CLCN3: variants seen among roughly 807,000 people sequenced by gnomAD.
The protein encoded by CLCN3 is Cl-/H+ antiporter 3, also known as H(+)/Cl(-) exchange transporter 3.
A neutral mutation model predicts 83.4 loss-of-function variants in CLCN3; 16 were observed. The observed-to-expected ratio is 0.19, with a 90% CI of 0.13 to 0.29. CLCN3 has a LOEUF of 0.29. CLCN3 is among the 10% of genes least tolerant of loss of function. The pLI is 1.00. For missense variants in CLCN3, 544 were observed against 1,006.0 expected (o/e 0.54, Z 6.21); for synonymous variants, 322 against 346.2 (o/e 0.93, Z 0.78).
chr4:169,702,434 T>A (rs1231682767), intron 9 of CLCN3, among the ~76,000 whole-genome samples: 1 of 152,188 alleles, frequency 6.6e-6, no homozygotes, highest in Non-Finnish European at 1.5e-5. Context: ...TGATGAGTAA[T>A]GTTTTAAAAG....
intron 2 of CLCN3, among the ~76,000 whole-genome samples, chr4:169,644,527 C>T (rs1319458555): frequency 2.0e-5 from 3 of 152,200 alleles, no homozygotes; most frequent in African/African-American, 7.2e-5. Context: ...CAGGCGTGAG[C>T]CACCGTGCCT....
At chr4:169,657,047 TTTAA>T (rs770971065) in intron 2 of CLCN3, among the ~76,000 whole-genome samples, 6 of 152,216 alleles carry the variant, frequency 3.9e-5, no homozygotes, top group Admixed American at 6.5e-5. Flanking sequence ...GGTCACTTAC[TTTAA>T]TTAATTATCA....
At chr4:169,668,836 C>T (rs1731352432) in intron 2 of CLCN3, among the ~76,000 whole-genome samples, 1 of 151,856 alleles carries the variant, frequency 6.6e-6, no homozygotes, top group Non-Finnish European at 1.5e-5. Flanking sequence ...TGGAATTATC[C>T]TAAGTCCTCT....
chr4:169,633,707 A>G (rs559002843), intron 1 of CLCN3, among the ~76,000 whole-genome samples: 183 of 152,384 alleles, frequency 1.2e-3, no homozygotes, highest in Non-Finnish European at 2.3e-3. Flanking sequence ...GGTGAGATTC[A>G]TTTCAAATAT....
chr4:169,655,059 A>T lies in CLCN3; in HGVS notation c.160+18971A>T, dbSNP rs572827997. 1.1e-4 allele frequency among the ~76,000 whole-genome samples: 17 copies of T among 152,226 alleles called. No homozygotes were observed. The East Asian group carries it at 3.3e-3, about 29-fold the overall frequency. On this transcript the variant is annotated intron_variant, in intron 2 of 12. Transcript: ENST00000513761. ...CTTCCTGGTGAATTGAACCACTTTT[A>T]TTTTTTAAATAACTCTATTTCTAAT... is the stretch of plus-strand genomic sequence containing the variant.
intron 11 of CLCN3, among the ~76,000 whole-genome samples, chr4:169,709,776 A>T (rs946861334): frequency 5.9e-5 from 9 of 152,160 alleles, no homozygotes; most frequent in Non-Finnish European, 8.8e-5. Context: ...AATATTTTTT[A>T]AAAAATGAAG....
chr4:169,711,827 C>T (rs1417404369), intron 11 of CLCN3, among the ~76,000 whole-genome samples: 2 of 152,050 alleles, frequency 1.3e-5, no homozygotes, highest in African/African-American at 4.8e-5. Flanking sequence ...CTTATTATGG[C>T]TTAAATGTTT....
chr4:169,702,305 G>A (rs1340420401), intron 9 of CLCN3, among the ~76,000 whole-genome samples: 1 of 152,176 alleles, frequency 6.6e-6, no homozygotes, highest in Non-Finnish European at 1.5e-5. Flanking sequence ...TATGGTAGCT[G>A]TAGCCATAGG....
chr4:169,624,981 G>A (rs927925464), intron 1 of CLCN3, among the ~76,000 whole-genome samples: 1 of 151,594 alleles, frequency 6.6e-6, no homozygotes, highest in African/African-American at 2.4e-5. Context: ...TATTAGAGAC[G>A]GGGTTTCCCC....
At chr4:169,653,640 CAAAAAAAAAAAAA>C (rs70964215) in intron 2 of CLCN3, among the ~76,000 whole-genome samples, 2 of 73,622 alleles carry the variant, frequency 2.7e-5, no homozygotes, top group African/African-American at 6.1e-5. Flanking sequence ...GACTCCGTCT[CAAAAAAAAAAAAA>C]AAAAAAAAGG....
intron 3 of CLCN3, among the ~76,000 whole-genome samples, chr4:169,685,258 CTTTTTAGATTTAG>C (rs1267792865): frequency 6.6e-6 from 1 of 152,054 alleles, no homozygotes; most frequent in Non-Finnish European, 1.5e-5. Context: ...TTAAGGTTTG[CTTTTTAGATTTAG>C]TTTTGTTTTA....
At chr4:169,636,941 T>C (rs1455799626) in intron 2 of CLCN3, among the ~76,000 whole-genome samples, 1 of 152,076 alleles carries the variant, frequency 6.6e-6, no homozygotes, top group East Asian at 1.9e-4. Context: ...TCAATTACCC[T>C]ATTCAAAGAT....
chr4:169,663,688 G>A (rs1460529608), intron 2 of CLCN3: 1 of 401,324 alleles, frequency 2.5e-6, no homozygotes, highest in Non-Finnish European at 4.9e-6. Flanking sequence ...CTCATCACAA[G>A]TTTATGAAGT....
intron 2 of CLCN3, among the ~76,000 whole-genome samples, chr4:169,654,324 A>G (rs1444228509): frequency 6.6e-6 from 1 of 150,822 alleles, no homozygotes; most frequent in East Asian, 2.0e-4. Context: ...CTGTAGATTT[A>G]TCAATAGTTA....
intron 2 of CLCN3, among the ~76,000 whole-genome samples, chr4:169,678,336 G>C (rs985529499): frequency 2.0e-5 from 3 of 152,022 alleles, no homozygotes; most frequent in African/African-American, 7.3e-5. Flanking sequence ...TAATCTTTTG[G>C]CCTTACTTCC....
chr4:169,655,559 A>G (rs1730856842), intron 2 of CLCN3, among the ~76,000 whole-genome samples: 1 of 152,186 alleles, frequency 6.6e-6, no homozygotes, highest in Non-Finnish European at 1.5e-5. Context: ...CAGTAGTGCA[A>G]TCATGACTCA....
rs1473291678 is a variant in CLCN3 at position 169,621,019 on chromosome 4, G to T, written c.-61G>T. The T allele has an allele frequency of 2.5e-6, 1 of 397,838 alleles. No individual in the cohort carries two copies. Among genetic ancestry groups the T allele is most frequent in the South Asian group, 1.4e-4 (1 of 7,224 alleles). The allele number at this position is 397,838 out of a possible 1,614,324, so 24.6% of individuals were successfully genotyped here. A position where few individuals can be genotyped will look rare whatever the true frequency, so the allele number is the denominator to read the frequency against. ...GAAACAGATGCAGAATCCAAAGGCAGCGCAAAAAACAGCCACCGATTTTGC... is the reference window on the plus strand; with the variant it reads ...GAAACAGATGCAGAATCCAAAGGCATCGCAAAAAACAGCCACCGATTTTGC... On this transcript the variant is annotated 5_prime_UTR_variant, in exon 1 of 13. Coordinates refer to ENST00000513761, the MANE Select transcript of CLCN3 (RefSeq NM_001829.4).
intron 7 of CLCN3, among the ~76,000 whole-genome samples, chr4:169,695,288 C>G (rs1732522515): frequency 6.6e-6 from 1 of 152,140 alleles, no homozygotes; most frequent in Non-Finnish European, 1.5e-5. Flanking sequence ...TTACTGCCCT[C>G]CCCTCTTACC....
chr4:169,665,496 G>C (rs1731210983), intron 2 of CLCN3, among the ~76,000 whole-genome samples: 1 of 151,980 alleles, frequency 6.6e-6, no homozygotes, highest in East Asian at 1.9e-4. Context: ...TTTAATCTTT[G>C]ATTTGGAGTC....
Sources: gnomAD v4.1 joint callset for allele counts (sites outside exome capture counted in the v4.1 genomes callset) on GRCh38, gnomAD v4.1.1 for gene constraint, MANE v1.5 for transcripts, NCBI Gene and HGNC (gene_info 2026-07-23, HGNC 2026-07-21) for gene names.